NUCB1: variants seen among roughly 807,000 people sequenced by gnomAD.
NUCB1 encodes the protein nucleobindin 1.
Under a neutral mutation model 61.2 loss-of-function variants are expected in NUCB1, and 47 were observed. That is an observed-to-expected ratio of 0.77 (90% CI 0.61 to 0.98). The LOEUF is 0.98. Ranked by LOEUF, NUCB1 falls within the 50% of genes least tolerant of loss-of-function variation. The pLI is 0.00. For synonymous variants in NUCB1, 234 were observed against 243.1 expected (o/e 0.96, Z 0.35); for missense variants, 583 against 605.3 (o/e 0.96, Z 0.39).
chr19:48,919,900 C>T (rs2122209708), intron 10 of NUCB1, among the ~76,000 whole-genome samples: 1 of 151,452 alleles, frequency 6.6e-6, no homozygotes, highest in East Asian at 1.9e-4. Context: ...TCATGAGTAG[C>T]TGGGATTACA....
At position 48,911,311 on chromosome 19, in the gene NUCB1, G is replaced by A. The variant is rs558369286; in HGVS notation, c.480+59G>A. The A allele has an allele frequency of 3.2e-6, 4 of 1,231,860 alleles. No homozygotes were observed. In the African/African-American group the frequency reaches 5.9e-5, roughly 18 times the overall value. 76.3% of individuals were successfully genotyped at this position (1,231,860 alleles called of 1,614,324 possible). A position where few individuals can be genotyped will look rare whatever the true frequency, so the allele number is the denominator to read the frequency against. On this transcript the variant is annotated intron_variant, in intron 5 of 12. Transcript: ENST00000405315. ...GGGTAGCTTTGCGGAAGGGGAGAAG[G>A]GGACAGAGTCCCAGACGTGAGCCAG...
At chr19:48,906,992 T>G (rs1395986202) in intron 4 of NUCB1, among the ~76,000 whole-genome samples, 1 of 151,690 alleles carries the variant, frequency 6.6e-6, no homozygotes, top group East Asian at 1.9e-4. Context: ...TTTTTTTTTT[T>G]GAGACAGAGT....
chr19:48,921,206 A>C lies in NUCB1; in HGVS notation c.1055A>C (p.Glu352Ala). 1 of 1,613,370 alleles carries C rather than the reference A, an allele frequency of 6.2e-7. No individual in the cohort carries two copies. The highest frequency in any genetic ancestry group is 8.5e-7 in the Non-Finnish European group (1 of 1,179,920). ...GAGGAAGAGCTGAGGCGCTTTGAAG[A>C]GGAGCTGGCTGCCCGGGAGGCAGAG... ...YTEEELRRFE[E>A]ELAAREAELN... is the part of the protein sequence containing the mutation. Residue 352 changes from glutamate to alanine, a missense_variant, in exon 11 of 13, where the codon GAG becomes GCG. By Grantham distance (107) the Glu-to-Ala change is moderately radical. Transcript: ENST00000405315.
intron 4 of NUCB1, 161 bp from the exon 5 acceptor site, chr19:48,910,988 G>A: frequency 5.1e-6 from 3 of 590,774 alleles, no homozygotes; most frequent in Non-Finnish European, 9.1e-6. Context: ...ACTCAGTCGT[G>A]GGATCACCTC....
At chr19:48,917,055 A>G (rs920977750) in intron 7 of NUCB1, among the ~76,000 whole-genome samples, 4 of 151,302 alleles carry the variant, frequency 2.6e-5, no homozygotes, top group African/African-American at 7.3e-5. Flanking sequence ...CCCCATCTCT[A>G]TGAAAACAAA....
intron 4 of NUCB1, among the ~76,000 whole-genome samples, chr19:48,909,001 A>G (rs1050253086): frequency 2.0e-5 from 3 of 152,132 alleles, no homozygotes; most frequent in African/African-American, 4.8e-5. Context: ...CGCTGTAACC[A>G]AGTACCACTG....
chr19:48,922,341 G>A lies in NUCB1; in HGVS notation c.1303G>A (p.Ala435Thr). The A allele has an allele frequency of 6.2e-7, 1 of 1,613,744 alleles. No individual in the cohort carries two copies. Among genetic ancestry groups the A allele is most frequent in the Non-Finnish European group, 8.5e-7 (1 of 1,179,750 alleles). The change falls in exon 13 of 13, where the codon GCC (alanine) becomes ACC (threonine). Residue 435 changes from alanine (A) to threonine (T), a missense_variant. Transcript: ENST00000405315. ...DTDDVPVPAP[A>T]GDQKEVDTSE... ...AGACGATGTACCTGTCCCAGCTCCA[G>A]CCGGTGACCAGAAGGAGGTGGACAC...
At chr19:48,913,615 C>T in intron 7 of NUCB1, 51 bp downstream of exon 7, 1 of 1,435,506 alleles carries the variant, frequency 7.0e-7, no homozygotes. Context: ...GATTCTGACC[C>T]TTCTAGGACC....
intron 2 of NUCB1, among the ~76,000 whole-genome samples, chr19:48,903,267 G>T (rs1004487247): frequency 6.6e-6 from 1 of 152,138 alleles, no homozygotes; most frequent in African/African-American, 2.4e-5. Context: ...GCATGACGGG[G>T]GTGGGACTAG....
At chr19:48,914,813 G>A (rs1010198140) in intron 7 of NUCB1, among the ~76,000 whole-genome samples, 3 of 151,958 alleles carry the variant, frequency 2.0e-5, no homozygotes, top group Non-Finnish European at 2.9e-5. Flanking sequence ...AGGCGTGGTG[G>A]CTCACGCCTA....
intron 3 of NUCB1, 110 bp from the exon 4 acceptor site, chr19:48,905,643 T>A: frequency 7.6e-7 from 1 of 1,308,732 alleles, no homozygotes; most frequent in Non-Finnish European, 1.1e-6. Flanking sequence ...TGGGGGACTA[T>A]AAGCAGGGAA....
chr19:48,911,152 T>C lies in NUCB1; in HGVS notation c.380T>C (p.Val127Ala). ...TGGACTCTTCCCTCTCTTCCAGATG[T>C]ACAGGTGGATCATCTGAATCTCCTG... ...AKMDAEQDPNVQVDHLNLLKQ... is the reference protein window; with the variant it reads ...AKMDAEQDPNAQVDHLNLLKQ... The change falls in exon 5 of 13, where the codon GTA becomes GCA. Residue 127 changes from valine to alanine, a missense_variant. Val to Ala is a moderately conservative substitution (Grantham distance 64). Transcript: ENST00000405315. The C allele has an allele frequency of 5.6e-6, 9 of 1,609,466 alleles. No homozygotes were observed. The highest frequency in any genetic ancestry group is 1.1e-5 in the South Asian group (1 of 90,978).
At chr19:48,915,655 A>G (rs1460340734) in intron 7 of NUCB1, among the ~76,000 whole-genome samples, 3 of 152,018 alleles carry the variant, frequency 2.0e-5, no homozygotes, top group Non-Finnish European at 4.4e-5. Flanking sequence ...ACGTACCACT[A>G]TGCCTGGCTA....
intron 3 of NUCB1, among the ~76,000 whole-genome samples, chr19:48,905,186 T>C: frequency 6.6e-6 from 1 of 152,162 alleles, no homozygotes; most frequent in East Asian, 1.9e-4. Context: ...TTAGCAAGTG[T>C]TGTGGGAGGG....
chr19:48,901,274 G>A (rs1009125036), intron 2 of NUCB1, among the ~76,000 whole-genome samples: 1 of 152,184 alleles, frequency 6.6e-6, no homozygotes, highest in Non-Finnish European at 1.5e-5. Context: ...GGCTAGCTGG[G>A]GTATTCTGAC....
intron 7 of NUCB1, among the ~76,000 whole-genome samples, chr19:48,916,846 G>C (rs932273881): frequency 5.3e-5 from 8 of 152,080 alleles, no homozygotes; most frequent in Admixed American, 5.2e-4. Flanking sequence ...AACCCTGGAG[G>C]TGGAGGTTGC....
rs780606369 is a variant in NUCB1 at position 48,900,837 on chromosome 19, CGCT to C, written c.54_56del (p.Leu21del). 4.3e-6 allele frequency: 7 copies of C among 1,613,752 alleles called. No individual in the cohort carries two copies. The highest frequency in any genetic ancestry group is 4.5e-5 in the East Asian group (2 of 44,864). ...CCCCGAGGAACCCTCCTTCTGTTGC[CGCT>C]GCTGCTGCTGCTCCTGCTTCGCGCC... is the stretch of plus-strand genomic sequence containing the variant. On this transcript the variant is annotated inframe_deletion, in exon 2 of 13. Transcript: ENST00000405315.
chr19:48,908,303 T>C (rs55870138), intron 4 of NUCB1, among the ~76,000 whole-genome samples: 15,877 of 152,114 alleles, frequency 0.1, 1,159 homozygotes, highest in Non-Finnish European at 0.16. Flanking sequence ...GCTAATTTTG[T>C]ATCTTTAGTA....
At chr19:48,904,296 T>G in intron 2 of NUCB1, 51 bp from the exon 3 acceptor site, 2 of 1,198,246 alleles carry the variant, frequency 1.7e-6, no homozygotes, top group Non-Finnish European at 1.2e-6. Flanking sequence ...GGAGTGAGGG[T>G]GGGGATGGGG....
Sources: allele counts gnomAD v4.1 joint callset (sites outside exome capture counted in the v4.1 genomes callset), GRCh38; gene constraint gnomAD v4.1.1; transcripts MANE v1.5; gene names NCBI Gene and HGNC (gene_info 2026-07-23, HGNC 2026-07-21).